The following AVPR1B variants were observed in gnomAD, a reference collection of about 807,000 sequenced individuals.
The protein encoded by AVPR1B is vasopressin V1b receptor.
A neutral mutation model predicts 27.5 loss-of-function variants in AVPR1B; 25 were observed. That is an observed-to-expected ratio of 0.91 (90% CI 0.66 to 1.27). The LOEUF (loss-of-function observed/expected upper bound fraction) is 1.27. Among genes scored for constraint, AVPR1B ranks in the 50% most tolerant of loss-of-function variants. AVPR1B has a pLI of 0.00. For missense variants in AVPR1B, 595 were observed against 556.9 expected, an observed-to-expected ratio of 1.07 and a Z score of -0.69; for synonymous variants, 248 against 240.2, an observed-to-expected ratio of 1.03 and a Z score of -0.30.
chr1:206,109,597 T>C lies in AVPR1B; in HGVS notation c.*592A>G, dbSNP rs1351762562. On this transcript the variant is annotated 3_prime_UTR_variant, in exon 2 of 2. Coordinates refer to ENST00000367126, the MANE Select transcript of AVPR1B (RefSeq NM_000707.5). ...GCTAGGTACCAGGTACTATACTGAA[T>C]CCTGCATCTCCATGAGACCATCTCC... 1.3e-5 allele frequency: 2 copies of C among 153,212 alleles called. No homozygotes were observed. The highest frequency in any genetic ancestry group is 3.9e-4 in the East Asian group (2 of 5,190). 9.5% of individuals were successfully genotyped at this position (153,212 alleles called of 1,614,324 possible). A position where few individuals can be genotyped will look rare whatever the true frequency, so the allele number is the denominator to read the frequency against.
chr1:206,116,970 CA>C lies in AVPR1B; in HGVS notation c.-81del. The C allele has an allele frequency of 7.6e-7, 1 of 1,308,610 alleles. No individual in the cohort carries two copies. The highest frequency in any genetic ancestry group is 1.5e-5 in the African/African-American group (1 of 67,648). The allele number at this position is 1,308,610 out of a possible 1,614,324, so 81.1% of individuals were successfully genotyped here. A position where few individuals can be genotyped will look rare whatever the true frequency, so the allele number is the denominator to read the frequency against. On this transcript the variant is annotated 5_prime_UTR_variant, in exon 1 of 2. Coordinates refer to ENST00000367126, the MANE Select transcript of AVPR1B (RefSeq NM_000707.5). ...AGGTTTGATGGATAAAATGGAGTGG[CA>C]GGGGAGGTGGAGAGAAAGGAGAAGC... is the stretch of plus-strand genomic sequence containing the variant.
At position 206,108,571 on chromosome 1, in the gene AVPR1B, G is replaced by T. The variant is rs907448536; in HGVS notation, c.*1618C>A. Reference sequence around the variant, plus strand: ...CTTAATTAGATTAGTAATTCCTTACGTTAGTATAGAGCTCATGACTTTACA... The same window carrying T: ...CTTAATTAGATTAGTAATTCCTTACTTTAGTATAGAGCTCATGACTTTACA... On this transcript the variant is annotated 3_prime_UTR_variant, in exon 2 of 2. Transcript: ENST00000367126. Among the ~76,000 whole-genome samples, 4 of 152,200 alleles carry T rather than the reference G, an allele frequency of 2.6e-5. No individual in the cohort carries two copies. Among genetic ancestry groups the T allele is most frequent in the Non-Finnish European group, 5.9e-5 (4 of 68,030 alleles).
At chr1:206,112,052 G>A (rs187007760) in intron 1 of AVPR1B, among the ~76,000 whole-genome samples, 194 of 152,192 alleles carry the variant, frequency 1.3e-3, no homozygotes, top group South Asian at 2.5e-3. Context: ...AAAATTAGCC[G>A]GCTGTGGTGA....
Position 206,116,658 on chromosome 1 carries a change from A to G in AVPR1B, c.233T>C (p.Leu78Pro). 3 of 1,612,246 alleles carry G rather than the reference A, an allele frequency of 1.9e-6. No homozygotes were observed. Among genetic ancestry groups the G allele is most frequent in the Non-Finnish European group, 2.5e-6 (3 of 1,179,124 alleles). Residue 78 changes from leucine to proline, a missense_variant, in exon 1 of 2, where the codon CTG becomes CCG. Physicochemically the swap from Leu to Pro is moderately conservative, Grantham distance 98. Coordinates refer to ENST00000367126, the MANE Select transcript of AVPR1B (RefSeq NM_000707.5). ...RMHLFVLHLA[L>P]TDLAVALFQV... ...GAAGAGCGCCACGGCCAGGTCTGTCAGGGCTAAGTGCAGCACGAACAGGTG... is the reference window on the plus strand; with the variant it reads ...GAAGAGCGCCACGGCCAGGTCTGTCGGGGCTAAGTGCAGCACGAACAGGTG...
At chr1:206,115,206 C>A (rs931285597) in intron 1 of AVPR1B, among the ~76,000 whole-genome samples, 6 of 152,110 alleles carry the variant, frequency 3.9e-5, no homozygotes, top group Non-Finnish European at 8.8e-5. Context: ...AAGCCAGATG[C>A]TGGTTAAAGA....
At position 206,108,347 on chromosome 1, in the gene AVPR1B, A is replaced by G. The variant is rs1663313278; in HGVS notation, c.*1842T>C. On this transcript the variant is annotated 3_prime_UTR_variant, in exon 2 of 2. Transcript: ENST00000367126. ...TTAGGGTCTCACTCTCCAGTTCTCT[A>G]GCACTGAAGGACTGGGACGCTTTGC... 6.6e-6 allele frequency among the ~76,000 whole-genome samples: 1 copy of G among 152,210 alleles called. No homozygotes were observed. Among genetic ancestry groups the G allele is most frequent in the African/African-American group, 2.4e-5 (1 of 41,450 alleles).
Position 206,116,252 on chromosome 1 carries a change from G to T in AVPR1B, c.639C>A (p.Thr213=). The part of the protein sequence containing the change: ...TTLAIFVLPV[T]MLTACYSLIC... The stretch of plus-strand genomic sequence containing the variant: ...TGAGGCTGTAGCAGGCCGTGAGCAT[G>T]GTCACCGGCAGAACGAAGATAGCCA... The change falls in exon 1 of 2, where the codon ACC becomes ACA. Residue 213 remains threonine (T), a synonymous_variant. Coordinates refer to ENST00000367126, the MANE Select transcript of AVPR1B (RefSeq NM_000707.5). 1 of 1,613,684 alleles carries T rather than the reference G, an allele frequency of 6.2e-7. No homozygotes were observed. Among genetic ancestry groups the T allele is most frequent in the Non-Finnish European group, 8.5e-7 (1 of 1,180,024 alleles).
rs1553289614 is a variant in AVPR1B at position 206,110,372 on chromosome 1, G to A, written c.1092C>T (p.Arg364=). Residue 364 remains arginine, a synonymous_variant, in exon 2 of 2, where the codon CGC becomes CGT. Transcript: ENST00000367126. ...ACCGGPQPRM[R]RRLSDGSLSS... is the part of the protein sequence containing the mutation. Reference sequence around the variant, plus strand: ...AGAGGCTGCCGTCGGAGAGCCGCCGGCGCATCCTGGGCTGGGGACCCCCAC... The same window carrying A: ...AGAGGCTGCCGTCGGAGAGCCGCCGACGCATCCTGGGCTGGGGACCCCCAC... The A allele has an allele frequency of 1.9e-6, 3 of 1,610,826 alleles. No homozygotes were observed. In the South Asian group the frequency reaches 3.3e-5, roughly 18 times the overall value.
intron 1 of AVPR1B, among the ~76,000 whole-genome samples, chr1:206,114,336 C>T (rs1019311970): frequency 6.6e-6 from 1 of 152,194 alleles, no homozygotes; most frequent in Admixed American, 6.5e-5. Context: ...CACTATACAT[C>T]CTGAGCTGTG....
intron 1 of AVPR1B, among the ~76,000 whole-genome samples, chr1:206,113,541 C>T (rs1663412759): frequency 6.6e-6 from 1 of 152,188 alleles, no homozygotes; most frequent in Non-Finnish European, 1.5e-5. Context: ...AGTGGTGAAT[C>T]ACTCTACACA....
chr1:206,115,896 C>G (rs1042306483), intron 1 of AVPR1B, 55 bp downstream of exon 1: 3 of 1,523,482 alleles, frequency 2.0e-6, no homozygotes, highest in East Asian at 2.3e-5. Flanking sequence ...ACCTAATCCC[C>G]CATCCTCTCT....
chr1:206,113,168 G>A (rs1571883174), intron 1 of AVPR1B, among the ~76,000 whole-genome samples: 1 of 152,198 alleles, frequency 6.6e-6, no homozygotes, highest in African/African-American at 2.4e-5. Flanking sequence ...GGCTGGAGAC[G>A]TGCCACAGAG....
chr1:206,115,808 A>G lies in AVPR1B; in HGVS notation c.940+143T>C, dbSNP rs1663456081. 1.1e-5 allele frequency: 8 copies of G among 720,592 alleles called. No homozygotes were observed. The South Asian group carries it at 2.2e-4, about 20-fold the overall frequency. 44.6% of individuals were successfully genotyped at this position (720,592 alleles called of 1,614,324 possible). On this transcript the variant is annotated intron_variant, in intron 1 of 1. Transcript: ENST00000367126. Reference sequence around the variant, plus strand: ...ATGGAAATCATAACTGCCCCTTTTCACTTGGAGCAGGCACCATCTTCCTTC... The same window carrying G: ...ATGGAAATCATAACTGCCCCTTTTCGCTTGGAGCAGGCACCATCTTCCTTC...
intron 1 of AVPR1B, among the ~76,000 whole-genome samples, chr1:206,115,044 A>G (rs1663440683): frequency 6.6e-6 from 1 of 152,218 alleles, no homozygotes; most frequent in Non-Finnish European, 1.5e-5. Context: ...TTAAAGAGAA[A>G]AAGTATCCCT....
Position 206,116,496 on chromosome 1 carries a change from C to A in AVPR1B, c.395G>T (p.Arg132Leu). Reference protein sequence around the residue: ...TYMLLAMTLDRYLAVCHPLRS... With the variant: ...TYMLLAMTLDLYLAVCHPLRS... ...CAGGGGGTGACAGACAGCCAGGTAG[C>A]GGTCCAGCGTCATGGCCAGCAGCAT... The change falls in exon 1 of 2, where the codon CGC becomes CTC. Residue 132 changes from arginine to leucine, a missense_variant. Coordinates refer to ENST00000367126, the MANE Select transcript of AVPR1B (RefSeq NM_000707.5). The A allele has an allele frequency of 6.2e-7, 1 of 1,613,992 alleles. No homozygotes were observed. Among genetic ancestry groups the A allele is most frequent in the Non-Finnish European group, 8.5e-7 (1 of 1,179,988 alleles).
chr1:206,114,087 C>G (rs1422202251), intron 1 of AVPR1B, among the ~76,000 whole-genome samples: 2 of 152,176 alleles, frequency 1.3e-5, no homozygotes, highest in Non-Finnish European at 2.9e-5. Context: ...TTTTGCACGC[C>G]TCTTGCATGG....
Position 206,107,055 on chromosome 1 carries a change from T to C in AVPR1B, c.*3134A>G, listed in dbSNP as rs1179503255. Among the ~76,000 whole-genome samples, 1 of 152,188 alleles carries C rather than the reference T, an allele frequency of 6.6e-6. No individual in the cohort carries two copies. The highest frequency in any genetic ancestry group is 1.5e-5 in the Non-Finnish European group (1 of 68,030). ...GTAGTAGATAAGTGATCTATTTACA[T>C]ACAAAACACAGACACATTATCTGGG... On this transcript the variant is annotated 3_prime_UTR_variant, in exon 2 of 2. Coordinates refer to ENST00000367126, the MANE Select transcript of AVPR1B (RefSeq NM_000707.5).
In AVPR1B at chr1:206,115,765, A is replaced by G. The variant is rs369626787; in HGVS notation, c.940+186T>C. ...GAAATTTCACGTAAAAGATACTGAC[A>G]TGGCATCGGTAGGCTGAATGGAAAT... On this transcript the variant is annotated intron_variant, in intron 1 of 1. Coordinates refer to ENST00000367126, the MANE Select transcript of AVPR1B (RefSeq NM_000707.5). 6.1e-4 allele frequency among the ~76,000 whole-genome samples: 93 copies of G among 152,364 alleles called. 1 individual carries two copies. Among genetic ancestry groups the G allele is most frequent in the African/African-American group, 2.2e-3 (91 of 41,592 alleles).
intron 1 of AVPR1B, among the ~76,000 whole-genome samples, chr1:206,114,607 G>A (rs868909916): frequency 2.0e-5 from 3 of 152,156 alleles, no homozygotes; most frequent in Middle Eastern, 3.2e-3. Flanking sequence ...AATGATGAGA[G>A]CCAGGCCTCC....
Sources: allele counts gnomAD v4.1 joint callset (sites outside exome capture counted in the v4.1 genomes callset), GRCh38; gene constraint gnomAD v4.1.1; transcripts MANE v1.5; gene names NCBI Gene and HGNC (gene_info 2026-07-23, HGNC 2026-07-21).